Variants in PRIM2 observed in about 807,000 individuals in gnomAD.
PRIM2 encodes the protein DNA primase subunit 2, also known as DNA primase large subunit.
Under a neutral mutation model 67.3 loss-of-function variants are expected in PRIM2, and 39 were observed. That is an observed-to-expected ratio of 0.58 (90% CI 0.45 to 0.76). The LOEUF (loss-of-function observed/expected upper bound fraction) is 0.76. Among genes scored for constraint, PRIM2 ranks in the 30% least tolerant of loss-of-function variants. The probability of loss-of-function intolerance (pLI) is 0.00; values close to 1 mark genes in which losing one functional copy is unlikely to be tolerated. For synonymous variants in PRIM2, 143 were observed against 198.7 expected (o/e 0.72, Z 2.36); for missense variants, 398 against 598.7 (o/e 0.66, Z 3.50).
At chr6:57,403,249 ATTTT>A (rs71299587) in intron 7 of PRIM2, among the ~76,000 whole-genome samples, 14,687 of 105,826 alleles carry the variant, frequency 0.14, no homozygotes, top group East Asian at 0.22. Context: ...CAGGTGAAGA[ATTTT>A]TTTTTTTTTT....
chr6:57,407,796 G>T (rs1206394207), intron 7 of PRIM2, among the ~76,000 whole-genome samples: 1 of 152,200 alleles, frequency 6.6e-6, no homozygotes, highest in Non-Finnish European at 1.5e-5. Flanking sequence ...GATGATGATG[G>T]TGGTGGTAGT....
intron 10 of PRIM2, among the ~76,000 whole-genome samples, chr6:57,576,191 A>T (rs1164192836): frequency 2.0e-5 from 3 of 152,148 alleles, no homozygotes; most frequent in Non-Finnish European, 4.4e-5. Context: ...TGATATTTTA[A>T]TTTTTAAGTT....
At chr6:57,236,940 T>C in the PRIM2 span, among the ~76,000 whole-genome samples, 8 of 152,220 alleles carry the variant, frequency 5.3e-5, no homozygotes, top group Non-Finnish European at 1.0e-4. Context: ...AGTAATGGGA[T>C]GGCTGGGTCA....
In PRIM2 at chr6:57,435,469, A is replaced by G. The variant is rs375361713; in HGVS notation, c.693+53301A>G. Among the ~76,000 whole-genome samples, 149 of 152,330 alleles carry G rather than the reference A, an allele frequency of 9.8e-4. 2 individuals carry two copies. The highest frequency in any genetic ancestry group is 3.4e-3 in the African/African-American group (143 of 41,580). ...AAAACTGTGCTTACAGTGATCAGGC[A>G]ACAGCCTGATCATTCCAAAGGAAAT... On this transcript the variant is annotated intron_variant, in intron 7 of 13. Transcript: ENST00000615550.
At chr6:57,623,287 AT>A (rs1776889702) in intron 12 of PRIM2, among the ~76,000 whole-genome samples, 2 of 152,290 alleles carry the variant, frequency 1.3e-5, no homozygotes, top group South Asian at 4.1e-4. Context: ...ATTTCTGTGT[AT>A]ATCCTTCCTT....
chr6:57,540,702 A>T (rs2127471338), intron 10 of PRIM2, among the ~76,000 whole-genome samples: 1 of 152,334 alleles, frequency 6.6e-6, no homozygotes, highest in South Asian at 2.1e-4. Flanking sequence ...ACATGCACAC[A>T]AATGTACAGA....
At chr6:57,412,079 AT>A (rs1246646187) in intron 7 of PRIM2, among the ~76,000 whole-genome samples, 1 of 150,900 alleles carries the variant, frequency 6.6e-6, no homozygotes, top group African/African-American at 2.4e-5. Flanking sequence ...TAACAAATAT[AT>A]AAGTATGCTA....
chr6:57,320,682 T>C, intron 3 of PRIM2, 122 bp downstream of exon 3: 1 of 606,622 alleles, frequency 1.6e-6, no homozygotes, highest in Non-Finnish European at 2.8e-6. Flanking sequence ...ATCATTAGCC[T>C]GAAGGTTCTT....
At chr6:57,227,813 A>T in the PRIM2 span, among the ~76,000 whole-genome samples, 1 of 152,186 alleles carries the variant, frequency 6.6e-6, no homozygotes, top group Non-Finnish European at 1.5e-5. Flanking sequence ...ATGGGCAGTT[A>T]TGAATTCAAA....
chr6:57,225,883 T>C, the PRIM2 span, among the ~76,000 whole-genome samples: 1 of 152,146 alleles, frequency 6.6e-6, no homozygotes, highest in African/African-American at 2.4e-5. Context: ...ACAATAATAA[T>C]CTACTGTTCT....
At chr6:57,553,074 T>G (rs1463279093) in intron 10 of PRIM2, among the ~76,000 whole-genome samples, 2 of 152,202 alleles carry the variant, frequency 1.3e-5, no homozygotes, top group Non-Finnish European at 2.9e-5. Flanking sequence ...AGTGGTTAAG[T>G]GATATTGTTC....
rs1190863948 is a variant in PRIM2, at chr6:57,600,336, GATTATT to G, written c.1021-727_1021-722del. ...TGTATAGTGGAAATCCAGAGGAAGG[GATTATT>G]ATTATTATTATTATTATTATTATTA... On this transcript the variant is annotated intron_variant, in intron 10 of 13. Coordinates refer to ENST00000615550, the MANE Select transcript of PRIM2 (RefSeq NM_000947.5). Among the ~76,000 whole-genome samples the G allele has an allele frequency of 7.7e-3, 1,132 of 146,450 alleles. 11 individuals carry two copies. The highest frequency in any genetic ancestry group is 0.023 in the East Asian group (114 of 4,982).
intron 7 of PRIM2, among the ~76,000 whole-genome samples, chr6:57,409,351 A>G (rs1258136988): frequency 6.6e-6 from 1 of 151,730 alleles, no homozygotes; most frequent in African/African-American, 2.4e-5. Flanking sequence ...ATTTTTTTGT[A>G]TTTTTAGTAG....
chr6:57,337,265 A>T (rs1425750143), intron 5 of PRIM2, among the ~76,000 whole-genome samples: 3 of 152,164 alleles, frequency 2.0e-5, no homozygotes, highest in African/African-American at 4.8e-5. Context: ...ATAATGGGAG[A>T]TTTTAACACC....
intron 7 of PRIM2, among the ~76,000 whole-genome samples, chr6:57,464,640 T>A (rs1773126245): frequency 6.6e-6 from 1 of 151,190 alleles, no homozygotes; most frequent in Admixed American, 6.6e-5. Context: ...TGTAGATGGG[T>A]TGAATGAATA....
chr6:57,524,701 C>G (rs1295021428), intron 8 of PRIM2, among the ~76,000 whole-genome samples: 4 of 149,692 alleles, frequency 2.7e-5, no homozygotes, highest in African/African-American at 9.9e-5. Flanking sequence ...AACTCCGTCT[C>G]AAATTAAAAA....
At chr6:57,288,195 C>T in the PRIM2 span, among the ~76,000 whole-genome samples, 17 of 152,308 alleles carry the variant, frequency 1.1e-4, no homozygotes, top group African/African-American at 4.1e-4. Flanking sequence ...TGTGATCAAC[C>T]TGCGACACTG....
rs1325896122 is a variant in PRIM2 at position 57,528,141 on chromosome 6, T to A, written c.762-4270T>A. Among the ~76,000 whole-genome samples, 7 of 151,856 alleles carry A rather than the reference T, an allele frequency of 4.6e-5. No homozygotes were observed. The East Asian group carries it at 9.7e-4, about 21-fold the overall frequency. ...ACCACACCCAGCTAATTTTTTTTTT[T>A]TTTTTTATAGCGATGATGTCTTGCT... On this transcript the variant is annotated intron_variant, in intron 8 of 13. Coordinates refer to ENST00000615550, the MANE Select transcript of PRIM2 (RefSeq NM_000947.5).
At chr6:57,339,795 G>A (rs1173908523) in intron 5 of PRIM2, among the ~76,000 whole-genome samples, 1 of 152,084 alleles carries the variant, frequency 6.6e-6, no homozygotes, top group Non-Finnish European at 1.5e-5. Context: ...CATAGGCATG[G>A]GCAAGGACTT....
Sources: allele counts gnomAD v4.1 joint callset (sites outside exome capture counted in the v4.1 genomes callset), GRCh38; gene constraint gnomAD v4.1.1; transcripts MANE v1.5; gene names NCBI Gene and HGNC (gene_info 2026-07-23, HGNC 2026-07-21).